Variants in GAS6 observed in about 807,000 individuals in gnomAD.
GAS6 encodes the protein growth arrest specific 6, also known as growth arrest-specific protein 6.
Under a neutral mutation model 75.8 loss-of-function variants are expected in GAS6, and 41 were observed. The ratio of observed to expected loss-of-function variants is 0.54; its 90% CI spans 0.42 to 0.70. The LOEUF is 0.70. Ranked by LOEUF, GAS6 falls within the 30% of genes least tolerant of loss-of-function variation. GAS6 has a pLI of 0.00. For missense variants in GAS6, 854 were observed against 940.2 expected, an observed-to-expected ratio of 0.91 and a Z score of 1.20; for synonymous variants, 432 against 412.6, an observed-to-expected ratio of 1.05 and a Z score of -0.57.
At chr13:113,825,448 C>G (rs1402592367) in intron 12 of GAS6, among the ~76,000 whole-genome samples, 2 of 152,080 alleles carry the variant, frequency 1.3e-5, no homozygotes, top group African/African-American at 4.8e-5. Context: ...TACTACCATT[C>G]CCAGCAAGTC....
At chr13:113,838,014 G>T (rs553675497) in intron 6 of GAS6, 55 bp downstream of exon 6, 3 of 1,599,916 alleles carry the variant, frequency 1.9e-6, no homozygotes, top group Non-Finnish European at 2.6e-6. Context: ...AGACATGACC[G>T]AAAATAGAAG....
chr13:113,850,712 G>A (rs1012784835), intron 2 of GAS6, among the ~76,000 whole-genome samples: 6 of 152,230 alleles, frequency 3.9e-5, no homozygotes, highest in Non-Finnish European at 7.3e-5. Context: ...GACAGTGGAT[G>A]AGTGCGTGAA....
Position 113,827,119 on chromosome 13 carries a change from T to C in GAS6, c.1354A>G (p.Asn452Asp). Residue 452 changes from asparagine (N) to aspartate (D), a missense_variant, in exon 12 of 15, where the codon AAC (asparagine) becomes GAC (aspartate). Coordinates refer to ENST00000327773, the MANE Select transcript of GAS6 (RefSeq NM_000820.4). ...DGCMRSWNWL[N>D]GEDTTIQETV... ...TCCTGGATGGTGGTGTCTTCTCCGT[T>C]CAGCCAGTTCCAGCTCCTCATGCAG... 1 of 1,613,394 alleles carries C rather than the reference T, an allele frequency of 6.2e-7. No homozygotes were observed. The highest frequency in any genetic ancestry group is 1.3e-5 in the African/African-American group (1 of 74,940).
intron 8 of GAS6, among the ~76,000 whole-genome samples, chr13:113,834,079 G>T (rs528901933): frequency 6.9e-6 from 1 of 145,458 alleles, no homozygotes; most frequent in Admixed American, 7.1e-5. Context: ...GGTGTGACAG[G>T]CACCAGTGTG....
chr13:113,821,279 G>GT (rs1325717598), intron 14 of GAS6: 1 of 533,530 alleles, frequency 1.9e-6, no homozygotes, highest in Non-Finnish European at 3.4e-6. Flanking sequence ...TCGGTTAAAC[G>GT]TGATCTTCTT....
intron 2 of GAS6, among the ~76,000 whole-genome samples, chr13:113,857,257 T>G (rs2051922251): frequency 1.3e-5 from 2 of 152,212 alleles, no homozygotes; most frequent in South Asian, 4.1e-4. Context: ...ATACTTTTAA[T>G]CAACACCCGT....
chr13:113,824,388 G>A lies in GAS6; in HGVS notation c.1478-838C>T, dbSNP rs866467067. On this transcript the variant is annotated intron_variant, in intron 12 of 14. Transcript: ENST00000327773. ...GGTCTGAGCTGTCAGGAGCACGCGC[G>A]GTCTGGGGTCTGAGCTGTCAGGAGC... Among the ~76,000 whole-genome samples, 3 of 124,466 alleles carry A rather than the reference G, an allele frequency of 2.4e-5. 1 individual carries two copies. In the Admixed American group the frequency reaches 2.6e-4, roughly 11 times the overall value. The allele number at this position is 124,466 out of a possible 152,430, so 81.7% of individuals were successfully genotyped here.
intron 8 of GAS6, 58 bp from the exon 9 acceptor site, chr13:113,832,810 A>C: frequency 6.2e-7 from 1 of 1,609,218 alleles, no homozygotes. Flanking sequence ...TGCTCCCCTG[A>C]GCCCCACGCC....
Position 113,863,437 on chromosome 13 carries a change from C to G in GAS6, c.255+138G>C. The G allele has an allele frequency of 1.3e-6, 1 of 764,616 alleles. No individual in the cohort carries two copies. The highest frequency in any genetic ancestry group is 3.6e-5 in the East Asian group (1 of 27,872). 47.4% of individuals were successfully genotyped at this position (764,616 alleles called of 1,614,324 possible). On this transcript the variant is annotated intron_variant, in intron 2 of 14. Coordinates refer to ENST00000327773, the MANE Select transcript of GAS6 (RefSeq NM_000820.4). This position sits in a 1 kb window ranked among gnomAD's most constrained non-coding sequence, Gnocchi z 9.4. Reference sequence around the variant, plus strand: ...GGGGATGGGCGTGGGGGACGCGGGGCGGGCCGGGGCTCCTGGGACCCTGAG... The same window carrying G: ...GGGGATGGGCGTGGGGGACGCGGGGGGGGCCGGGGCTCCTGGGACCCTGAG...
rs986462689 is a variant in GAS6 at position 113,845,452 on chromosome 13, A to G, written c.343+1075T>C. On this transcript the variant is annotated intron_variant, in intron 4 of 14. Coordinates refer to ENST00000327773, the MANE Select transcript of GAS6 (RefSeq NM_000820.4). This position sits in a 1 kb window ranked among gnomAD's most constrained non-coding sequence, Gnocchi z 4.3. ...TGGACTTTCATCTAAAACTAGACAC[A>G]CGTGACGCCAGCGGACCACAGACCC... 1 of 150,196 alleles carries G rather than the reference A, an allele frequency of 6.7e-6. No homozygotes were observed. Among genetic ancestry groups the G allele is most frequent in the Non-Finnish European group, 1.5e-5 (1 of 67,976 alleles). The allele number at this position is 150,196 out of a possible 1,614,324, so 9.3% of individuals were successfully genotyped here.
rs563400532 is a variant in GAS6, at chr13:113,834,760, G to A, written c.713-88C>T. ...CACACCGCGATTGCTCAAACCACAC[G>A]CAAGGTGCGCTCAAGGAATTACATG... On this transcript the variant is annotated intron_variant, in intron 7 of 14. Transcript: ENST00000327773. The A allele has an allele frequency of 4.1e-4, 532 of 1,288,560 alleles. 1 individual carries two copies. The African/African-American group carries it at 7.1e-3, about 17-fold the overall frequency. 79.8% of individuals were successfully genotyped at this position (1,288,560 alleles called of 1,614,324 possible).
chr13:113,822,100 C>G lies in GAS6; in HGVS notation c.1740G>C (p.Ser580=). ...CDGQEHVVTV[S]LRDGEATLEV... ...CCAGGGTGGCCTCACCGTCCCTCAGCGAGACGGTGACCACGTGCTCTTGGC... is the reference window on the plus strand; with the variant it reads ...CCAGGGTGGCCTCACCGTCCCTCAGGGAGACGGTGACCACGTGCTCTTGGC... Residue 580 remains serine, a synonymous_variant, in exon 14 of 15, where the codon TCG becomes TCC. Transcript: ENST00000327773. 6.3e-7 allele frequency: 1 copy of G among 1,599,684 alleles called. No homozygotes were observed. The highest frequency in any genetic ancestry group is 8.5e-7 in the Non-Finnish European group (1 of 1,174,948).
intron 12 of GAS6, among the ~76,000 whole-genome samples, chr13:113,825,008 C>T (rs1211320222): frequency 4.6e-5 from 7 of 151,936 alleles, no homozygotes; most frequent in South Asian, 4.2e-4. Context: ...CACCTAAGGT[C>T]GGGAGTTCGA....
Position 113,845,444 on chromosome 13 carries a change from C to G in GAS6, c.343+1083G>C, listed in dbSNP as rs2051826225. ...CACCAAGCTGGACTTTCATCTAAAA[C>G]TAGACACACGTGACGCCAGCGGACC... On this transcript the variant is annotated intron_variant, in intron 4 of 14. Coordinates refer to ENST00000327773, the MANE Select transcript of GAS6 (RefSeq NM_000820.4). This position sits in a 1 kb window ranked among gnomAD's most constrained non-coding sequence, Gnocchi z 4.3. The G allele has an allele frequency of 6.7e-6, 1 of 150,234 alleles. No homozygotes were observed. Among genetic ancestry groups the G allele is most frequent in the African/African-American group, 2.5e-5 (1 of 39,778 alleles). The allele number at this position is 150,234 out of a possible 1,614,324, so 9.3% of individuals were successfully genotyped here. A position where few individuals can be genotyped will look rare whatever the true frequency, so the allele number is the denominator to read the frequency against.
intron 12 of GAS6, 60 bp from the exon 13 acceptor site, chr13:113,823,610 C>A: frequency 6.6e-7 from 1 of 1,508,956 alleles, no homozygotes; most frequent in South Asian, 1.2e-5. Flanking sequence ...ACAGTGAGGT[C>A]GGAGCAGGGC....
rs77005365 is a variant in GAS6 at position 113,848,284 on chromosome 13, C to G, written c.256-234G>C. ...CTACCAGGTGTGTCCAGGGGAGAGG[C>G]CTGCCCAGGAGGACAAGAATGCTTC... On this transcript the variant is annotated intron_variant, in intron 2 of 14. Transcript: ENST00000327773. The surrounding 1 kb of genome is among the most constrained non-coding windows in gnomAD (Gnocchi z 4.8). Among the ~76,000 whole-genome samples the G allele has an allele frequency of 2.6e-5, 4 of 152,120 alleles. No homozygotes were observed. The highest frequency in any genetic ancestry group is 5.9e-5 in the Non-Finnish European group (4 of 68,018).
At position 113,835,542 on chromosome 13, in the gene GAS6, G is replaced by A. The variant is rs145586332; in HGVS notation, c.683C>T (p.Ala228Val). Residue 228 changes from alanine to valine, a missense_variant, in exon 7 of 15, where the codon GCG (alanine) becomes GTG (valine). Ala to Val is a moderately conservative substitution (Grantham distance 64). Coordinates refer to ENST00000327773, the MANE Select transcript of GAS6 (RefSeq NM_000820.4). Reference sequence around the variant, plus strand: ...GCAAGCCTTCTCCTGGGAGCTGTACGCAAAGCCCTCGTCACAGAGGCAGGA... The same window carrying A: ...GCAAGCCTTCTCCTGGGAGCTGTACACAAAGCCCTCGTCACAGAGGCAGGA... ...SYSCLCDEGFAYSSQEKACRD... is the reference protein window; with the variant it reads ...SYSCLCDEGFVYSSQEKACRD... 4.1e-3 allele frequency: 6,618 copies of A among 1,612,570 alleles called. 40 individuals are homozygous for A. The highest frequency in any genetic ancestry group is 0.014 in the South Asian group (1,271 of 91,076).
chr13:113,826,579 T>C (rs71437254), intron 12 of GAS6, among the ~76,000 whole-genome samples: 987 of 27,826 alleles, frequency 0.035, 55 homozygotes, highest in East Asian at 0.22. Context: ...CTCCCGGCGC[T>C]GGCCTCGCAG....
chr13:113,828,199 G>A (rs1209958300), intron 11 of GAS6, among the ~76,000 whole-genome samples: 6 of 152,154 alleles, frequency 3.9e-5, no homozygotes, highest in Non-Finnish European at 8.8e-5. Flanking sequence ...GGGAGGCGGA[G>A]CTTGCAGTGA....
Sources: allele counts gnomAD v4.1 joint callset (sites outside exome capture counted in the v4.1 genomes callset), GRCh38; gene constraint gnomAD v4.1.1; non-coding constraint Gnocchi (gnomAD v3.1); transcripts MANE v1.5; gene names NCBI Gene and HGNC (gene_info 2026-07-23, HGNC 2026-07-21).